The following C6orf62 variants were observed in gnomAD, a reference collection of about 807,000 sequenced individuals.
C6orf62 encodes uncharacterized protein C6orf62.
C6orf62 carries 16 observed loss-of-function variants against 26.8 expected under a neutral mutation model. That is an observed-to-expected ratio of 0.60 (90% CI 0.40 to 0.91). The LOEUF (loss-of-function observed/expected upper bound fraction) is 0.91. C6orf62 is among the 40% of genes least tolerant of loss of function. The pLI is 0.00. For missense variants in C6orf62, 192 were observed against 271.4 expected, an observed-to-expected ratio of 0.71 and a Z score of 2.06; for synonymous variants, 112 against 91.5, an observed-to-expected ratio of 1.22 and a Z score of -1.28.
chr6:24,714,375 G>A lies in C6orf62; in HGVS notation c.372C>T (p.Ile124=), dbSNP rs1406927236. Residue 124 remains isoleucine, a synonymous_variant, in exon 3 of 5, where the codon ATC becomes ATT. Transcript: ENST00000378119. ...ILWPRNDIEK[I]VCLLFSRWKE... The stretch of plus-strand genomic sequence containing the variant: ...TCCACCTAGAAAACAGGAGACAGAC[G>A]ATTTTTTCAATATCATTCCGAGGCC... The A allele has an allele frequency of 9.3e-6, 15 of 1,610,696 alleles. 1 individual carries two copies. The highest frequency in any genetic ancestry group is 2.2e-5 in the East Asian group (1 of 44,714).
chr6:24,706,399 T>A lies in C6orf62; in HGVS notation c.565-137A>T, dbSNP rs1162556855. 2.3e-6 allele frequency: 3 copies of A among 1,305,432 alleles called. No individual in the cohort carries two copies. In the East Asian group the frequency reaches 7.7e-5, roughly 34 times the overall value. The allele number at this position is 1,305,432 out of a possible 1,614,324, so 80.9% of individuals were successfully genotyped here. A position where few individuals can be genotyped will look rare whatever the true frequency, so the allele number is the denominator to read the frequency against. On this transcript the variant is annotated intron_variant, in intron 4 of 4. Transcript: ENST00000378119. ...CAAATTGTAGTCCCTATCCATATTC[T>A]AGACAGACAAAATCTTGCCATATAA...
intron 3 of C6orf62, chr6:24,709,422 A>T (rs1044808143): frequency 4.1e-6 from 4 of 984,778 alleles, no homozygotes; most frequent in South Asian, 9.4e-5. Context: ...AAGAAAAAAA[A>T]AAAATAAATC....
At chr6:24,720,269 G>C (rs1433661956), upstream of C6orf62, 4 of 1,295,878 alleles carry the variant, frequency 3.1e-6, no homozygotes, top group Non-Finnish European at 3.9e-6. Flanking sequence ...GGGCGGAGCG[G>C]TGGCGGCGGC....
At chr6:24,719,869 G>A (rs1405612248), upstream of C6orf62, 12 of 1,353,420 alleles carry the variant, frequency 8.9e-6, no homozygotes, top group Non-Finnish European at 1.2e-5. Flanking sequence ...CTCGCACCAC[G>A]GGAGACACAG....
upstream of C6orf62, chr6:24,719,911 G>T: frequency 6.4e-7 from 1 of 1,550,442 alleles, no homozygotes; most frequent in Non-Finnish European, 8.7e-7. Flanking sequence ...TTTCATCGTG[G>T]AAACAATTCC....
chr6:24,705,268 A>C lies in C6orf62; in HGVS notation c.*869T>G, dbSNP rs919985868. 1 of 152,594 alleles carries C rather than the reference A, an allele frequency of 6.6e-6. No individual in the cohort carries two copies. Among genetic ancestry groups the C allele is most frequent in the African/African-American group, 2.4e-5 (1 of 41,440 alleles). 9.5% of individuals were successfully genotyped at this position (152,594 alleles called of 1,614,324 possible). A position where few individuals can be genotyped will look rare whatever the true frequency, so the allele number is the denominator to read the frequency against. On this transcript the variant is annotated 3_prime_UTR_variant, in exon 5 of 5. Transcript: ENST00000378119. ...AAAAACCAGCATTTCTGCACAATTC[A>C]CTGGAATTTTTTTCTTTGTAATAAA... is the stretch of plus-strand genomic sequence containing the variant.
chr6:24,706,041 A>C lies in C6orf62; in HGVS notation c.*96T>G. ...TGCATAGTGTTCTGTGCATGAGTCC[A>C]TTTTCTTTAAACTCTGAAAGAATAA... On this transcript the variant is annotated 3_prime_UTR_variant, in exon 5 of 5. Transcript: ENST00000378119. 1 of 1,516,644 alleles carries C rather than the reference A, an allele frequency of 6.6e-7. No homozygotes were observed. The highest frequency in any genetic ancestry group is 1.3e-5 in the South Asian group (1 of 78,934). 93.9% of individuals were successfully genotyped at this position (1,516,644 alleles called of 1,614,324 possible).
At chr6:24,720,069 G>C (rs1249438338), upstream of C6orf62, 39 of 1,301,592 alleles carry the variant, frequency 3.0e-5, no homozygotes, top group Non-Finnish European at 3.8e-5. Context: ...CTCTCACGTT[G>C]AACAGACCAT....
intron 1 of C6orf62, among the ~76,000 whole-genome samples, chr6:24,718,208 TTAGA>T (rs1164844412): frequency 2.6e-5 from 4 of 152,230 alleles, no homozygotes; most frequent in Non-Finnish European, 4.4e-5. Flanking sequence ...ATACTCTACA[TTAGA>T]TAATCTTTAA....
chr6:24,719,364 A>AG (rs1336806668), upstream of C6orf62: 1 of 1,003,702 alleles, frequency 1.0e-6, no homozygotes, highest in Admixed American at 5.4e-5. Context: ...CATAGAGAAA[A>AG]GTGCAAAATC....
intron 3 of C6orf62, chr6:24,709,150 C>T: frequency 1.0e-6 from 1 of 967,654 alleles, no homozygotes; most frequent in Non-Finnish European, 1.2e-6. Flanking sequence ...TCAACGGTCA[C>T]ATGACTACTG....
At chr6:24,720,033 A>G (rs927971253), upstream of C6orf62, 3 of 414,456 alleles carry the variant, frequency 7.2e-6, no homozygotes, top group Non-Finnish European at 1.2e-5. Flanking sequence ...CCTCCCCCCA[A>G]AAAATTAAGT....
chr6:24,719,467 G>GA, upstream of C6orf62: 7 of 1,093,740 alleles, frequency 6.4e-6, no homozygotes, highest in Non-Finnish European at 7.8e-6. Context: ...GGAGCCATGA[G>GA]AAAAAACAGC....
intron 2 of C6orf62, among the ~76,000 whole-genome samples, chr6:24,714,815 C>G (rs998783346): frequency 6.6e-5 from 10 of 152,166 alleles, no homozygotes; most frequent in Non-Finnish European, 1.5e-4. Context: ...GACGGGGTTT[C>G]ACCACGTCAG....
At chr6:24,714,187 T>A (rs924997917) in intron 3 of C6orf62, 131 bp downstream of exon 3, 7 of 663,084 alleles carry the variant, frequency 1.1e-5, no homozygotes, top group Non-Finnish European at 1.4e-5. Flanking sequence ...ATCACAATAT[T>A]CTAAATAGGG....
chr6:24,712,772 G>A (rs897089931), intron 3 of C6orf62, among the ~76,000 whole-genome samples: 7 of 149,842 alleles, frequency 4.7e-5, no homozygotes, highest in Non-Finnish European at 1.0e-4. Flanking sequence ...AGTACTATTT[G>A]ACACAAGACT....
chr6:24,710,469 G>T, intron 3 of C6orf62: 4 of 478,966 alleles, frequency 8.4e-6, no homozygotes, highest in Non-Finnish European at 1.1e-5. Flanking sequence ...TCTTTATGTT[G>T]GTCAGGATGG....
intron 4 of C6orf62, among the ~76,000 whole-genome samples, chr6:24,708,255 TAAAA>T (rs10700028): frequency 6.8e-6 from 1 of 146,030 alleles, no homozygotes; most frequent in Non-Finnish European, 1.5e-5. Flanking sequence ...TTTTCCCGTT[TAAAA>T]AAAAAAAAAA....
chr6:24,711,201 C>G (rs1779113193), intron 3 of C6orf62, among the ~76,000 whole-genome samples: 1 of 151,920 alleles, frequency 6.6e-6, no homozygotes, highest in African/African-American at 2.4e-5. Flanking sequence ...CATTTCAATT[C>G]TATCATATTG....
Sources: allele counts gnomAD v4.1 joint callset (sites outside exome capture counted in the v4.1 genomes callset), GRCh38; gene constraint gnomAD v4.1.1; transcripts MANE v1.5; gene names NCBI Gene and HGNC (gene_info 2026-07-23, HGNC 2026-07-21).